Variants in HFM1 observed in about 807,000 individuals in gnomAD.
HFM1 encodes probable ATP-dependent DNA helicase HFM1.
HFM1 carries 169 observed loss-of-function variants against 192.1 expected under a neutral mutation model. The observed-to-expected ratio is 0.88, with a 90% CI of 0.78 to 1.00. The LOEUF is 1.00. Among genes scored for constraint, HFM1 ranks in the 50% least tolerant of loss-of-function variants. HFM1 has a pLI of 0.00. For synonymous variants in HFM1, 525 were observed against 537.8 expected (o/e 0.98, Z 0.33); for missense variants, 1,661 against 1,668.0 (o/e 1.00, Z 0.07).
At position 91,363,620 on chromosome 1, in the gene HFM1, G is replaced by A. The variant is rs142355805; in HGVS notation, c.1686-10321C>T. On this transcript the variant is annotated intron_variant, in intron 13 of 38. Coordinates refer to ENST00000370425, the MANE Select transcript of HFM1 (RefSeq NM_001017975.6). ...AATTAGTTCAACCATTGTGGAAGACGTTGTGGCAATTCCTCAAAGACCTAC... is the reference window on the plus strand; with the variant it reads ...AATTAGTTCAACCATTGTGGAAGACATTGTGGCAATTCCTCAAAGACCTAC... 1.6e-3 allele frequency among the ~76,000 whole-genome samples: 236 copies of A among 151,790 alleles called. 3 individuals carry two copies. In the East Asian group the frequency reaches 0.022, roughly 14 times the overall value.
At chr1:91,347,546 T>C (rs990086015) in intron 18 of HFM1, 70 bp from the exon 19 acceptor site, 2 of 921,220 alleles carry the variant, frequency 2.2e-6, no homozygotes, top group Admixed American at 2.4e-5. Flanking sequence ...CCCAGTTAAC[T>C]AGTGAAGAGC....
chr1:91,324,834 C>T (rs370192372), intron 20 of HFM1, 68 bp from the exon 21 acceptor site: 5 of 844,852 alleles, frequency 5.9e-6, no homozygotes, highest in African/African-American at 5.0e-5. Flanking sequence ...TTATGTTTAA[C>T]AAACATTTCC....
chr1:91,309,023 T>C (rs1650047678), intron 30 of HFM1, among the ~76,000 whole-genome samples: 1 of 152,220 alleles, frequency 6.6e-6, no homozygotes, highest in Admixed American at 6.5e-5. Flanking sequence ...AGCACTGGCC[T>C]ACCACAAAAC....
chr1:91,405,711 C>T (rs1311965405), upstream of HFM1, among the ~76,000 whole-genome samples: 4 of 152,198 alleles, frequency 2.6e-5, no homozygotes, highest in African/African-American at 9.7e-5. Flanking sequence ...AGTCCTACCA[C>T]ACAGTAAATG....
intron 18 of HFM1, among the ~76,000 whole-genome samples, chr1:91,349,763 A>G (rs1656677053): frequency 6.6e-6 from 1 of 152,178 alleles, no homozygotes; most frequent in African/African-American, 2.4e-5. Flanking sequence ...TTCCTAACCC[A>G]CATAAGCTGT....
Position 91,266,012 on chromosome 1 carries a change from C to T in HFM1, c.3974+5G>A, listed in dbSNP as rs1216738521. The T allele has an allele frequency of 6.3e-7, 1 of 1,588,502 alleles. No individual in the cohort carries two copies. Among genetic ancestry groups the T allele is most frequent in the African/African-American group, 1.4e-5 (1 of 72,542 alleles). The stretch of plus-strand genomic sequence containing the variant: ...AATATTACAAACCTAAGTTCTAAAA[C>T]TTGCCTGTTTGACATTTCTCTTTGG... On this transcript the variant is annotated splice_donor_5th_base_variant and intron_variant, in intron 36 of 38. Coordinates refer to ENST00000370425, the MANE Select transcript of HFM1 (RefSeq NM_001017975.6).
chr1:91,327,998 G>C (rs1350954147), intron 20 of HFM1, among the ~76,000 whole-genome samples: 1 of 152,022 alleles, frequency 6.6e-6, no homozygotes, highest in East Asian at 1.9e-4. Context: ...ATAGCTACAA[G>C]TGCCTACATC....
intron 11 of HFM1, among the ~76,000 whole-genome samples, chr1:91,376,585 T>G: frequency 2.0e-5 from 3 of 151,842 alleles, no homozygotes; most frequent in Middle Eastern, 3.4e-3. Context: ...AAGAAAAATT[T>G]AGTATTCCAA....
intron 31 of HFM1, 26 bp downstream of exon 31, chr1:91,276,956 A>G: frequency 1.4e-6 from 2 of 1,407,694 alleles, no homozygotes; most frequent in Non-Finnish European, 2.0e-6. Flanking sequence ...TGAACACTTT[A>G]AATAAACTTG....
At chr1:91,406,292 T>C (rs1041582754), upstream of HFM1, among the ~76,000 whole-genome samples, 8 of 152,212 alleles carry the variant, frequency 5.3e-5, no homozygotes, top group Non-Finnish European at 7.3e-5. Flanking sequence ...TTATAGCAGC[T>C]TGAACTAAGA....
intron 30 of HFM1, among the ~76,000 whole-genome samples, chr1:91,277,969 A>G (rs995078177): frequency 5.0e-5 from 7 of 141,014 alleles, no homozygotes; most frequent in African/African-American, 1.8e-4. Flanking sequence ...TACTTTATAT[A>G]CATTATATTA....
intron 18 of HFM1, among the ~76,000 whole-genome samples, chr1:91,349,908 T>A (rs1656702917): frequency 6.6e-6 from 1 of 152,234 alleles, no homozygotes; most frequent in Non-Finnish European, 1.5e-5. Flanking sequence ...TCTTATTTAC[T>A]TTTATATGCA....
chr1:91,288,060 G>T (rs1417141055), intron 30 of HFM1, among the ~76,000 whole-genome samples: 1 of 151,768 alleles, frequency 6.6e-6, no homozygotes, highest in South Asian at 2.1e-4. Flanking sequence ...AAGTGACGGG[G>T]AGAATGGAAC....
At chr1:91,366,919 C>T (rs1283331290) in intron 13 of HFM1, among the ~76,000 whole-genome samples, 4 of 152,232 alleles carry the variant, frequency 2.6e-5, no homozygotes, top group African/African-American at 9.6e-5. Context: ...TAAAACTGCA[C>T]TTTCCTAATG....
intron 1 of HFM1, among the ~76,000 whole-genome samples, chr1:91,404,287 T>C (rs1340247315): frequency 2.0e-5 from 3 of 152,096 alleles, no homozygotes; most frequent in African/African-American, 4.8e-5. Context: ...CTAAGGAGAA[T>C]ATCCTAAATC....
At position 91,315,867 on chromosome 1, in the gene HFM1, T is replaced by TTG; in HGVS notation, c.3087_3088insCA (p.Thr1030GlnfsTer3). On this transcript the variant is annotated frameshift_variant, in exon 28 of 39. Coordinates refer to ENST00000370425, the MANE Select transcript of HFM1 (RefSeq NM_001017975.6). LOFTEE classifies it high-confidence loss of function. Reference sequence around the variant, plus strand: ...TTATCTGCGTCACCTATGATTAAGGTAACATAGTGAGAATCCGATGCTGTT... The same window carrying TTG: ...TTATCTGCGTCACCTATGATTAAGGTTGAACATAGTGAGAATCCGATGCTGTT... 1 of 1,611,316 alleles carries TTG rather than the reference T, an allele frequency of 6.2e-7. No individual in the cohort carries two copies. The highest frequency in any genetic ancestry group is 1.1e-5 in the South Asian group (1 of 90,932).
chr1:91,330,453 G>A (rs1427822506), intron 20 of HFM1, among the ~76,000 whole-genome samples: 3 of 152,064 alleles, frequency 2.0e-5, no homozygotes, highest in Admixed American at 6.6e-5. Flanking sequence ...ATTGAACCAT[G>A]AAGAAACCCA....
chr1:91,294,373 T>G (rs1019214717), intron 30 of HFM1, among the ~76,000 whole-genome samples: 17 of 152,174 alleles, frequency 1.1e-4, no homozygotes, highest in Non-Finnish European at 2.4e-4. Flanking sequence ...CATGGACTCA[T>G]ACAGTATTAC....
intron 20 of HFM1, among the ~76,000 whole-genome samples, chr1:91,341,512 T>G (rs1352896506): frequency 6.6e-6 from 1 of 152,008 alleles, no homozygotes; most frequent in Non-Finnish European, 1.5e-5. Flanking sequence ...CTCACTAATA[T>G]CACACCTAGA....
Sources: gnomAD v4.1 joint callset for allele counts (sites outside exome capture counted in the v4.1 genomes callset) on GRCh38, gnomAD v4.1.1 for gene constraint, MANE v1.5 for transcripts, NCBI Gene and HGNC (gene_info 2026-07-23, HGNC 2026-07-21) for gene names.